AK9: variants seen among roughly 807,000 people sequenced by gnomAD.
AK9 encodes the protein adenylate kinase 9, also known as adenylate kinase domain containing 1.
Under a neutral mutation model 239.6 loss-of-function variants are expected in AK9, and 191 were observed. The observed-to-expected ratio is 0.80, with a 90% CI of 0.71 to 0.90. The LOEUF (loss-of-function observed/expected upper bound fraction) is 0.90. AK9 is among the 40% of genes least tolerant of loss of function. The pLI is 0.00. For missense variants in AK9, 1,995 were observed against 2,214.7 expected (o/e 0.90, Z 1.99); for synonymous variants, 689 against 721.0 (o/e 0.96, Z 0.71).
intron 39 of AK9, among the ~76,000 whole-genome samples, chr6:109,495,097 G>A (rs1776899912): frequency 6.6e-6 from 1 of 152,200 alleles, no homozygotes; most frequent in Non-Finnish European, 1.5e-5. Flanking sequence ...AAACAATTTT[G>A]TGGCGCTCTA....
chr6:109,627,133 C>CTTTTT (rs71018357), intron 12 of AK9, among the ~76,000 whole-genome samples: 51 of 67,306 alleles, frequency 7.6e-4, no homozygotes, highest in Non-Finnish European at 9.3e-4. Flanking sequence ...GATGTTTAAG[C>CTTTTT]TTTTTTTTTT....
intron 3 of AK9, 38 bp from the exon 4 acceptor site, chr6:109,672,205 T>C (rs1771022178): frequency 4.6e-6 from 7 of 1,532,834 alleles, no homozygotes; most frequent in Non-Finnish European, 6.3e-6. Flanking sequence ...CAGACTGATA[T>C]TAAGATCACC....
At chr6:109,637,809 A>C (rs909677693) in intron 10 of AK9, among the ~76,000 whole-genome samples, 1 of 152,248 alleles carries the variant, frequency 6.6e-6, no homozygotes, top group Non-Finnish European at 1.5e-5. Flanking sequence ...ATATTAATCA[A>C]CTTTAATTGA....
intron 17 of AK9, among the ~76,000 whole-genome samples, chr6:109,597,908 T>G (rs1035787554): frequency 6.6e-6 from 1 of 152,150 alleles, no homozygotes; most frequent in African/African-American, 2.4e-5. Flanking sequence ...ACATTTTCAA[T>G]GAACCATTTG....
intron 24 of AK9, among the ~76,000 whole-genome samples, chr6:109,563,184 T>C (rs943421594): frequency 5.3e-5 from 8 of 152,182 alleles, no homozygotes; most frequent in African/African-American, 1.9e-4. Context: ...CTGATAGATG[T>C]CTGAACTGGG....
chr6:109,501,484 C>T (rs772187104), intron 35 of AK9, among the ~76,000 whole-genome samples: 23 of 152,206 alleles, frequency 1.5e-4, no homozygotes, highest in Admixed American at 2.6e-4. Flanking sequence ...AAGGAACATA[C>T]ACAACATGAA....
chr6:109,508,206 T>C (rs1217501054), intron 33 of AK9, among the ~76,000 whole-genome samples: 1 of 152,190 alleles, frequency 6.6e-6, no homozygotes, highest in Non-Finnish European at 1.5e-5. Flanking sequence ...GCTGGCCTCA[T>C]AGAGAATGTA....
chr6:109,551,730 T>C (rs2128165751), intron 24 of AK9, among the ~76,000 whole-genome samples: 1 of 151,098 alleles, frequency 6.6e-6, no homozygotes, highest in Non-Finnish European at 1.5e-5. Flanking sequence ...GTAAAATCCT[T>C]TCAAGTCCTT....
At chr6:109,555,804 GT>G (rs1784948975) in intron 24 of AK9, among the ~76,000 whole-genome samples, 1 of 152,148 alleles carries the variant, frequency 6.6e-6, no homozygotes, top group Non-Finnish European at 1.5e-5. Context: ...TTTCAAGTCC[GT>G]TTGGTCAGAG....
intron 12 of AK9, among the ~76,000 whole-genome samples, chr6:109,629,781 C>G (rs1166804824): frequency 6.6e-6 from 1 of 151,980 alleles, no homozygotes; most frequent in Non-Finnish European, 1.5e-5. Context: ...TACAGGCGCC[C>G]GTCACCGTGC....
Position 109,614,166 on chromosome 6 carries a change from G to A in AK9, c.1609+17C>T. On this transcript the variant is annotated intron_variant, in intron 15 of 40. Coordinates refer to ENST00000424296, the MANE Select transcript of AK9 (RefSeq NM_001145128.3). ...AATGAGATCCACAAACGTGGGATTA[G>A]CAGTTCACTTTGTTACCATCTTTAT... 3 of 1,527,982 alleles carry A rather than the reference G, an allele frequency of 2.0e-6. No individual in the cohort carries two copies. The highest frequency in any genetic ancestry group is 2.7e-6 in the Non-Finnish European group (3 of 1,125,726). The allele number at this position is 1,527,982 out of a possible 1,614,324, so 94.7% of individuals were successfully genotyped here.
intron 26 of AK9, among the ~76,000 whole-genome samples, chr6:109,542,624 T>C (rs1218222038): frequency 2.6e-5 from 4 of 152,216 alleles, no homozygotes; most frequent in Non-Finnish European, 5.9e-5. Flanking sequence ...CCAAAATCTA[T>C]ATTCATAAAC....
chr6:109,632,240 CA>C (rs764665103), intron 12 of AK9: 17 of 985,334 alleles, frequency 1.7e-5, no homozygotes, highest in Non-Finnish European at 2.0e-5. Context: ...GCACTTTGAA[CA>C]ACTTCTAACA....
chr6:109,566,533 G>C (rs930465529), intron 21 of AK9, among the ~76,000 whole-genome samples: 3 of 152,054 alleles, frequency 2.0e-5, no homozygotes, highest in South Asian at 4.1e-4. Context: ...GAGGCATAAA[G>C]ATAGATTAAA....
intron 20 of AK9, among the ~76,000 whole-genome samples, chr6:109,574,402 A>T (rs944970249): frequency 6.6e-6 from 1 of 152,080 alleles, no homozygotes; most frequent in Non-Finnish European, 1.5e-5. Context: ...AACAACCCAG[A>T]ACTAGTAGCC....
chr6:109,664,033 T>C (rs1048540857), intron 5 of AK9, among the ~76,000 whole-genome samples: 13 of 152,224 alleles, frequency 8.5e-5, no homozygotes, highest in Admixed American at 7.9e-4. Flanking sequence ...ATTGAAGAGA[T>C]TGTGAAAATG....
intron 17 of AK9, among the ~76,000 whole-genome samples, chr6:109,602,901 G>A (rs371432434): frequency 2.0e-5 from 3 of 152,054 alleles, no homozygotes; most frequent in Non-Finnish European, 2.9e-5. Flanking sequence ...CGTAGTTCTC[G>A]TGCCATGGTT....
In AK9 at chr6:109,621,816, G is replaced by A. The variant is rs865864123; in HGVS notation, c.1255-2580C>T. Among the ~76,000 whole-genome samples the A allele has an allele frequency of 1.3e-3, 175 of 136,220 alleles. 1 individual carries two copies. The highest frequency in any genetic ancestry group is 7.5e-3 in the Middle Eastern group (2 of 268). 89.4% of individuals were successfully genotyped at this position (136,220 alleles called of 152,430 possible). On this transcript the variant is annotated intron_variant, in intron 12 of 40. Coordinates refer to ENST00000424296, the MANE Select transcript of AK9 (RefSeq NM_001145128.3). ...TAGATGATGAGTTAGTGGGTGCAGCGCACCAGCATGGCACATGTATACATA... is the reference window on the plus strand; with the variant it reads ...TAGATGATGAGTTAGTGGGTGCAGCACACCAGCATGGCACATGTATACATA...
At chr6:109,599,373 T>C (rs1401821390) in intron 17 of AK9, among the ~76,000 whole-genome samples, 1 of 152,208 alleles carries the variant, frequency 6.6e-6, no homozygotes, top group Non-Finnish European at 1.5e-5. Flanking sequence ...TTGTCAAAGA[T>C]CAGATAGTTG....
Sources: allele counts gnomAD v4.1 joint callset (sites outside exome capture counted in the v4.1 genomes callset), GRCh38; gene constraint gnomAD v4.1.1; transcripts MANE v1.5; gene names NCBI Gene and HGNC (gene_info 2026-07-23, HGNC 2026-07-21).